The following CD101 variants were observed in gnomAD, a reference collection of about 807,000 sequenced individuals.
The protein encoded by CD101 is immunoglobulin superfamily member 2.
CD101 carries 76 observed loss-of-function variants against 98.2 expected under a neutral mutation model. That is an observed-to-expected ratio of 0.77 (90% confidence interval 0.64 to 0.94). The LOEUF is 0.94. Ranked by LOEUF, CD101 falls within the 40% of genes least tolerant of loss-of-function variation. CD101 has a pLI of 0.00. For missense variants in CD101, 1,145 were observed against 1,218.8 expected (o/e 0.94, Z 0.90); for synonymous variants, 471 against 472.7 (o/e 1.00, Z 0.05).
At chr1:117,015,708 T>C (rs1653167312) in intron 4 of CD101, among the ~76,000 whole-genome samples, 1 of 152,364 alleles carries the variant, frequency 6.6e-6, no homozygotes. Flanking sequence ...CATTAAACAC[T>C]AATGCTAGCA....
intron 9 of CD101, among the ~76,000 whole-genome samples, chr1:117,035,549 CT>C (rs11337228): frequency 0.066 from 9,044 of 136,518 alleles, 251 homozygotes; most frequent in East Asian, 0.12. Context: ...GAAATGAAGA[CT>C]TTTTTTTTTT....
At chr1:117,003,162 A>G (rs1652340734) in intron 1 of CD101, among the ~76,000 whole-genome samples, 1 of 152,078 alleles carries the variant, frequency 6.6e-6, no homozygotes, top group Non-Finnish European at 1.5e-5. Context: ...CAAACAAACA[A>G]AACTCTTGCT....
rs1404073943 is a variant in CD101, at chr1:117,005,175, T to C, written c.43+3315T>C. On this transcript the variant is annotated intron_variant, in intron 1 of 9. Transcript: ENST00000682167. The surrounding 1 kb of genome is among the most constrained non-coding windows in gnomAD (Gnocchi z 4.4). ...TAGGAAGACACAGACGTTGAGACTA[T>C]AACACAGCACCCTCCCTGTCATCCC... 6.6e-6 allele frequency among the ~76,000 whole-genome samples: 1 copy of C among 152,110 alleles called. No homozygotes were observed. The highest frequency in any genetic ancestry group is 1.5e-5 in the Non-Finnish European group (1 of 68,000).
intron 9 of CD101, chr1:117,034,381 A>G (rs940716446): frequency 4.6e-6 from 2 of 434,020 alleles, no homozygotes; most frequent in Non-Finnish European, 8.5e-6. Context: ...CTGCAAGGAG[A>G]TAAGAGGCTC....
At chr1:117,030,427 CAGAGAAAGAAAGAA>C (rs1385146117) in intron 8 of CD101, among the ~76,000 whole-genome samples, 78 of 131,816 alleles carry the variant, frequency 5.9e-4, no homozygotes, top group South Asian at 2.2e-3. Flanking sequence ...GAGAAAGAGA[CAGAGAAAGAAAGAA>C]AGAGAAAGAA....
intron 8 of CD101, among the ~76,000 whole-genome samples, chr1:117,032,785 G>A (rs1654543845): frequency 1.3e-5 from 2 of 152,330 alleles, no homozygotes; most frequent in African/African-American, 4.8e-5. Context: ...AACCTGTGGT[G>A]TTTGCAGTCC....
At position 117,001,909 on chromosome 1, in the gene CD101, C is replaced by T. The variant is rs749627743; in HGVS notation, c.43+49C>T. ...TTCTCTTGTCACAGGAGTTCATCAA[C>T]TCAGGGTGCTGAGTGATGGAACAGG... On this transcript the variant is annotated intron_variant, in intron 1 of 9. Coordinates refer to ENST00000682167, the MANE Select transcript of CD101 (RefSeq NM_001256106.3). 4 of 1,563,964 alleles carry T rather than the reference C, an allele frequency of 2.6e-6. No homozygotes were observed. The East Asian group carries it at 6.7e-5, about 26-fold the overall frequency.
rs1403208435 is a variant in CD101, at chr1:117,025,872, C to T, written c.2792C>T (p.Ser931Leu). The change falls in exon 8 of 10, where the codon TCA (serine) becomes TTA (leucine). Residue 931 changes from serine (S) to leucine (L), a missense_variant. Coordinates refer to ENST00000682167, the MANE Select transcript of CD101 (RefSeq NM_001256106.3). ...SKWINQASDE[S>L]QRMVLTVLPS... ...TGGATTAATCAAGCATCCGATGAGT[C>T]ACAGCGGATGGTGCTCACGGTGCTG... 1.9e-6 allele frequency: 3 copies of T among 1,613,292 alleles called. No individual in the cohort carries two copies. Among genetic ancestry groups the T allele is most frequent in the African/African-American group, 1.3e-5 (1 of 74,910 alleles).
chr1:117,016,206 T>TTATA (rs532707145), intron 4 of CD101, among the ~76,000 whole-genome samples: 18 of 146,172 alleles, frequency 1.2e-4, no homozygotes, highest in African/African-American at 2.2e-4. Flanking sequence ...ATATATTTAT[T>TTATA]TATATATATA....
chr1:117,016,719 A>C (rs1303519069), intron 4 of CD101, among the ~76,000 whole-genome samples: 1 of 152,146 alleles, frequency 6.6e-6, no homozygotes, highest in Non-Finnish European at 1.5e-5. Context: ...ATTAGCCAGC[A>C]TGTTGGCACG....
Position 117,025,923 on chromosome 1 carries a change from A to G in CD101, c.2824+19A>G. The G allele has an allele frequency of 4.4e-6, 7 of 1,587,190 alleles. No homozygotes were observed. Among genetic ancestry groups the G allele is most frequent in the Non-Finnish European group, 6.0e-6 (7 of 1,162,396 alleles). On this transcript the variant is annotated intron_variant, in intron 8 of 9. Transcript: ENST00000682167. ...CCTTCAGGTAACCAGGGGTTTATCT[A>G]CCGCGAGCTCATGGTCAGGAGAATA...
intron 1 of CD101, among the ~76,000 whole-genome samples, chr1:117,009,547 A>C (rs887462724): frequency 6.6e-6 from 1 of 152,282 alleles, no homozygotes; most frequent in Non-Finnish European, 1.5e-5. Flanking sequence ...TATTTGCTTT[A>C]AAATAAGTAC....
At chr1:117,035,018 G>A (rs2101176805) in intron 9 of CD101, among the ~76,000 whole-genome samples, 1 of 152,294 alleles carries the variant, frequency 6.6e-6, no homozygotes, top group South Asian at 2.1e-4. Context: ...CTGCAGGGCT[G>A]GGGTTTGGGG....
Position 117,036,395 on chromosome 1 carries a change from C to T in CD101, c.*261C>T, listed in dbSNP as rs967533256. ...CACTGCGGCTGCGCCACTGGGACCC[C>T]TCCCCTACATGCACCAATGCACTCT... On this transcript the variant is annotated 3_prime_UTR_variant, in exon 10 of 10. Coordinates refer to ENST00000682167, the MANE Select transcript of CD101 (RefSeq NM_001256106.3). This position sits in a 1 kb window ranked among gnomAD's most constrained non-coding sequence, Gnocchi z 5.0. The T allele has an allele frequency of 6.6e-6, 1 of 152,354 alleles. No individual in the cohort carries two copies. The highest frequency in any genetic ancestry group is 1.5e-5 in the Non-Finnish European group (1 of 68,194). The allele number at this position is 152,354 out of a possible 1,614,324, so 9.4% of individuals were successfully genotyped here.
chr1:117,002,009 A>G, intron 1 of CD101, 149 bp downstream of exon 1: 1 of 712,230 alleles, frequency 1.4e-6, no homozygotes, highest in South Asian at 1.8e-5. Context: ...TACTAATGAC[A>G]GTTCTTGGCT....
At chr1:117,017,025 T>A in intron 4 of CD101, 65 bp from the exon 5 acceptor site, 1 of 1,513,934 alleles carries the variant, frequency 6.6e-7, no homozygotes, top group Non-Finnish European at 8.9e-7. Flanking sequence ...GAAATTTCAC[T>A]GTATTTTAGA....
chr1:117,020,713 C>T (rs1653527429), intron 6 of CD101, among the ~76,000 whole-genome samples: 1 of 152,210 alleles, frequency 6.6e-6, no homozygotes, highest in Non-Finnish European at 1.5e-5. Flanking sequence ...AAGCCTCTGT[C>T]CCTGCACTTG....
At chr1:117,016,920 C>A (rs1653254004) in intron 4 of CD101, among the ~76,000 whole-genome samples, 170 bp from the exon 5 acceptor site, 1 of 152,144 alleles carries the variant, frequency 6.6e-6, no homozygotes, top group Non-Finnish European at 1.5e-5. Flanking sequence ...ATCTTGTTTC[C>A]ACTATTTAAG....
chr1:117,034,010 G>A lies in CD101; in HGVS notation c.2975G>A (p.Arg992Gln), dbSNP rs552020548. 2.8e-5 allele frequency: 46 copies of A among 1,614,074 alleles called. No homozygotes were observed. The highest frequency in any genetic ancestry group is 1.5e-4 in the African/African-American group (11 of 74,986). The change falls in exon 9 of 10, where the codon CGG (arginine) becomes CAG (glutamine). Residue 992 changes from arginine (R) to glutamine (Q), a missense_variant. Transcript: ENST00000682167. ...RKLSTLRSNTRKEKALWVDLK... is the reference protein window; with the variant it reads ...RKLSTLRSNTQKEKALWVDLK... ...TTGTCAACACTGCGTTCCAACACAC[G>A]GAAAGAAAAAGCTCTCTGGGTGGAC...
Sources: allele counts gnomAD v4.1 joint callset (sites outside exome capture counted in the v4.1 genomes callset), GRCh38; gene constraint gnomAD v4.1.1; non-coding constraint Gnocchi (gnomAD v3.1); transcripts MANE v1.5; gene names NCBI Gene and HGNC (gene_info 2026-07-23, HGNC 2026-07-21).